The following CSMD1 variants were observed in gnomAD, a reference collection of about 807,000 sequenced individuals.
CSMD1 encodes CUB and sushi domain-containing protein 1.
In CSMD1, 213 loss-of-function variants were observed where a neutral mutation model predicts 417.5. The observed-to-expected ratio is 0.51, with a 90% CI of 0.46 to 0.57. CSMD1 has a LOEUF of 0.57. CSMD1 is among the 20% of genes least tolerant of loss of function. The pLI, the probability that CSMD1 is intolerant of heterozygous loss-of-function variation, is 0.00. For synonymous variants in CSMD1, 2,862 were observed against 1,736.8 expected, an observed-to-expected ratio of 1.65 and a Z score of -16.11; for missense variants, 6,923 against 4,529.7, an observed-to-expected ratio of 1.53 and a Z score of -15.17.
intron 54 of CSMD1, among the ~76,000 whole-genome samples, chr8:2,992,774 G>C (rs558824526): frequency 2.0e-5 from 3 of 151,898 alleles, no homozygotes; most frequent in Admixed American, 6.6e-5. Context: ...ATGGGGTCTT[G>C]CTCTGTTGCC....
At chr8:4,383,518 C>T (rs79686837) in intron 3 of CSMD1, among the ~76,000 whole-genome samples, 4 of 152,182 alleles carry the variant, frequency 2.6e-5, no homozygotes, top group African/African-American at 9.6e-5. Context: ...CCAACAAGCC[C>T]TGGCTATTGC....
At chr8:4,487,967 T>G (rs116828098) in intron 2 of CSMD1, among the ~76,000 whole-genome samples, 1,700 of 152,284 alleles carry the variant, frequency 0.011, 26 homozygotes, top group African/African-American at 0.039. Context: ...CTCCGAAATG[T>G]ATATGTGAAA....
intron 2 of CSMD1, among the ~76,000 whole-genome samples, chr8:4,465,635 C>T (rs773615538): frequency 2.1e-4 from 32 of 152,104 alleles, no homozygotes; most frequent in Non-Finnish European, 7.4e-5. Context: ...CTCAGTAGAA[C>T]AAGATTTCCA....
At chr8:4,364,443 T>C (rs1008581175) in intron 3 of CSMD1, among the ~76,000 whole-genome samples, 2 of 152,180 alleles carry the variant, frequency 1.3e-5, no homozygotes, top group Non-Finnish European at 2.9e-5. Context: ...TTTTTCATGT[T>C]TTTTCCAAAG....
chr8:3,048,782 G>T (rs1412788548), intron 50 of CSMD1, among the ~76,000 whole-genome samples: 1 of 149,700 alleles, frequency 6.7e-6, no homozygotes. Flanking sequence ...ACACTATTAA[G>T]AAAATGAAAA....
At chr8:3,873,939 G>C (rs1041249479) in intron 5 of CSMD1, among the ~76,000 whole-genome samples, 1 of 152,138 alleles carries the variant, frequency 6.6e-6, no homozygotes, top group African/African-American at 2.4e-5. Context: ...TTTGGATTCT[G>C]AAAAGAGAAC....
chr8:4,103,105 G>C (rs1432277474), intron 3 of CSMD1, among the ~76,000 whole-genome samples: 1 of 152,078 alleles, frequency 6.6e-6, no homozygotes. Flanking sequence ...CTATAAAGTG[G>C]ATTCTATCTC....
chr8:4,566,668 A>G (rs1798626242), intron 2 of CSMD1, among the ~76,000 whole-genome samples: 2 of 151,396 alleles, frequency 1.3e-5, no homozygotes, highest in South Asian at 2.1e-4. Flanking sequence ...AAAAAAAAAA[A>G]AAAAAAAAAA....
chr8:4,793,175 A>C (rs1317562630), intron 1 of CSMD1, among the ~76,000 whole-genome samples: 1 of 152,154 alleles, frequency 6.6e-6, no homozygotes, highest in African/African-American at 2.4e-5. Context: ...GTCCTTGATC[A>C]TGGAGTAATT....
At chr8:4,382,872 G>A (rs990933891) in intron 3 of CSMD1, among the ~76,000 whole-genome samples, 15 of 152,120 alleles carry the variant, frequency 9.9e-5, no homozygotes, top group East Asian at 3.9e-4. Context: ...AGCTCAAGGC[G>A]CAGTAAGATT....
In CSMD1 at chr8:4,022,881, C is replaced by T. The variant is rs78198578; in HGVS notation, c.610+9024G>A. 2.9e-4 allele frequency among the ~76,000 whole-genome samples: 44 copies of T among 152,220 alleles called. No individual in the cohort carries two copies. In the East Asian group the frequency reaches 6.6e-3, roughly 23 times the overall value. On this transcript the variant is annotated intron_variant, in intron 4 of 69. Coordinates refer to ENST00000635120, the MANE Select transcript of CSMD1 (RefSeq NM_033225.6). The stretch of plus-strand genomic sequence containing the variant: ...AGCAAGAATTCACATAGTTAAGAAG[C>T]AGAAAATACATGGATTATTGTGATG...
chr8:3,481,659 T>A (rs1352844186), intron 11 of CSMD1, among the ~76,000 whole-genome samples: 1 of 152,164 alleles, frequency 6.6e-6, no homozygotes, highest in Non-Finnish European at 1.5e-5. Context: ...CCACCACTAG[T>A]ATCCATATAA....
chr8:4,117,281 C>G (rs2130929539), intron 3 of CSMD1, among the ~76,000 whole-genome samples: 1 of 151,908 alleles, frequency 6.6e-6, no homozygotes, highest in Admixed American at 6.6e-5. Context: ...TCACTCGAAG[C>G]AGCATGCGTG....
intron 1 of CSMD1, among the ~76,000 whole-genome samples, chr8:4,683,096 T>G (rs1477634749): frequency 6.6e-6 from 1 of 150,862 alleles, no homozygotes; most frequent in African/African-American, 2.4e-5. Context: ...TAAGAGAAGT[T>G]TCAATTTGTA....
intron 1 of CSMD1, among the ~76,000 whole-genome samples, chr8:4,975,545 G>T (rs1199004754): frequency 6.6e-6 from 1 of 152,194 alleles, no homozygotes; most frequent in African/African-American, 2.4e-5. Context: ...AGGAAGTGAA[G>T]CCCAGGAAGG....
intron 3 of CSMD1, among the ~76,000 whole-genome samples, chr8:4,074,077 C>T (rs532154672): frequency 1.4e-4 from 22 of 151,962 alleles, no homozygotes; most frequent in African/African-American, 4.1e-4. Flanking sequence ...ATGGAATAGA[C>T]AAATTTTGTA....
intron 5 of CSMD1, among the ~76,000 whole-genome samples, chr8:3,913,857 G>A (rs1386739505): frequency 6.6e-6 from 1 of 151,892 alleles, no homozygotes; most frequent in East Asian, 1.9e-4. Context: ...ACTTTCCTGT[G>A]TGTGTATATA....
At chr8:4,429,406 G>C (rs547472404) in intron 2 of CSMD1, among the ~76,000 whole-genome samples, 1 of 152,176 alleles carries the variant, frequency 6.6e-6, no homozygotes, top group African/African-American at 2.4e-5. Context: ...ATCGGACAAA[G>C]AAAAAGCATC....
chr8:3,762,812 A>G (rs1356905762), intron 5 of CSMD1, among the ~76,000 whole-genome samples: 1 of 152,200 alleles, frequency 6.6e-6, no homozygotes, highest in East Asian at 1.9e-4. Flanking sequence ...AGAGCCACCC[A>G]CGCAGCCGTG....
Sources: allele counts gnomAD v4.1 joint callset (sites outside exome capture counted in the v4.1 genomes callset), GRCh38; gene constraint gnomAD v4.1.1; transcripts MANE v1.5; gene names NCBI Gene and HGNC (gene_info 2026-07-23, HGNC 2026-07-21).